The following PYROXD2 variants were observed in gnomAD, a reference collection of about 807,000 sequenced individuals.
PYROXD2 encodes pyridine nucleotide-disulfide oxidoreductase domain-containing protein 2.
In PYROXD2, 69 loss-of-function variants were observed where a neutral mutation model predicts 71.1. The ratio of observed to expected loss-of-function variants is 0.97; its 90% CI spans 0.80 to 1.19. The LOEUF (loss-of-function observed/expected upper bound fraction) is 1.19, where lower values mean the gene tolerates loss of function less well. Among genes scored for constraint, PYROXD2 ranks in the 50% most tolerant of loss-of-function variants. PYROXD2 has a pLI of 0.00. For missense variants in PYROXD2, 745 were observed against 748.9 expected, an observed-to-expected ratio of 0.99 and a Z score of 0.06; for synonymous variants, 287 against 302.7, an observed-to-expected ratio of 0.95 and a Z score of 0.54.
chr10:98,388,654 T>G (rs913382776), intron 12 of PYROXD2, 146 bp from the exon 13 acceptor site: 18 of 964,292 alleles, frequency 1.9e-5, no homozygotes, highest in Non-Finnish European at 2.4e-5. Context: ...GTTGTCCACC[T>G]GCACGGGCTT....
chr10:98,383,932 C>A, intron 15 of PYROXD2, 64 bp from the exon 16 acceptor site: 1 of 1,415,164 alleles, frequency 7.1e-7, no homozygotes, highest in Non-Finnish European at 1.0e-6. Flanking sequence ...GGGGTGGGGA[C>A]AGGGCTTACA....
At position 98,392,878 on chromosome 10, in the gene PYROXD2, C is replaced by G. The variant is rs150546939; in HGVS notation, c.927+64G>C. On this transcript the variant is annotated intron_variant, in intron 9 of 15. Transcript: ENST00000370575. The stretch of plus-strand genomic sequence containing the variant: ...TGGTAAAACAAGGGACCTTCCAAAT[C>G]TGAGACTTTGTTCTGTCCTGGGATC... 7.7e-4 allele frequency: 1,193 copies of G among 1,555,546 alleles called. 9 individuals are homozygous for G. The African/African-American group carries it at 0.015, about 19-fold the overall frequency.
chr10:98,393,495 G>T (rs1843025204), intron 8 of PYROXD2, among the ~76,000 whole-genome samples: 1 of 152,122 alleles, frequency 6.6e-6, no homozygotes, highest in Non-Finnish European at 1.5e-5. Context: ...TTCAACAGGA[G>T]GTTCTGTTTC....
At chr10:98,390,190 C>T (rs575914057) in intron 12 of PYROXD2, among the ~76,000 whole-genome samples, 1 of 152,128 alleles carries the variant, frequency 6.6e-6, no homozygotes, top group South Asian at 2.1e-4. Flanking sequence ...GTGGGAAATG[C>T]TTTTAGAAGT....
intron 4 of PYROXD2, among the ~76,000 whole-genome samples, chr10:98,405,530 G>A (rs1407515998): frequency 6.6e-6 from 1 of 152,224 alleles, no homozygotes. Context: ...GCACTGTGCT[G>A]ATGTGGCCTT....
At chr10:98,388,196 C>T in intron 13 of PYROXD2, 158 bp downstream of exon 13, 1 of 688,364 alleles carries the variant, frequency 1.5e-6, no homozygotes, top group Non-Finnish European at 2.5e-6. Context: ...CTGACCCCTG[C>T]AGTCAACTAT....
At chr10:98,393,585 C>T (rs1019008090) in intron 8 of PYROXD2, among the ~76,000 whole-genome samples, 8 of 152,288 alleles carry the variant, frequency 5.3e-5, no homozygotes, top group Admixed American at 4.6e-4. Flanking sequence ...ACTCAGCCTC[C>T]AAAGGGCTTT....
chr10:98,391,873 C>T (rs576433858), intron 10 of PYROXD2, among the ~76,000 whole-genome samples: 2 of 152,306 alleles, frequency 1.3e-5, no homozygotes, highest in African/African-American at 2.4e-5. Flanking sequence ...CCAGCCACCA[C>T]CAGCCAGCTC....
At chr10:98,407,498 C>T (rs1843637716) in intron 4 of PYROXD2, 84 bp downstream of exon 4, 9 of 1,551,792 alleles carry the variant, frequency 5.8e-6, no homozygotes, top group Non-Finnish European at 7.0e-6. Context: ...TCACCTCGGG[C>T]ACAGAACAGG....
chr10:98,411,050 C>A, intron 1 of PYROXD2, 92 bp from the exon 2 acceptor site: 2 of 1,531,660 alleles, frequency 1.3e-6, no homozygotes, highest in Non-Finnish European at 1.8e-6. Flanking sequence ...CGCTGCCCGT[C>A]CCCATGCCAT....
At chr10:98,409,956 C>A (rs1399783134) in intron 2 of PYROXD2, among the ~76,000 whole-genome samples, 1 of 152,020 alleles carries the variant, frequency 6.6e-6, no homozygotes, top group Non-Finnish European at 1.5e-5. Flanking sequence ...CGGCTGCCTG[C>A]AATCCCAGCT....
At chr10:98,408,778 A>G (rs74575203) in intron 2 of PYROXD2, among the ~76,000 whole-genome samples, 2,808 of 152,372 alleles carry the variant, frequency 0.018, 88 homozygotes, top group African/African-American at 0.062. Context: ...GAATGGTGCC[A>G]TGCAAAAGTC....
chr10:98,405,269 G>A (rs887019387), intron 4 of PYROXD2, among the ~76,000 whole-genome samples: 1 of 152,220 alleles, frequency 6.6e-6, no homozygotes, highest in Non-Finnish European at 1.5e-5. Flanking sequence ...CCAGGAAGGG[G>A]AGGCAGGCCC....
intron 1 of PYROXD2, among the ~76,000 whole-genome samples, chr10:98,412,659 CT>C (rs1843827265): frequency 6.6e-6 from 1 of 152,168 alleles, no homozygotes; most frequent in Non-Finnish European, 1.5e-5. Flanking sequence ...AGAGGTAACC[CT>C]TGTCTCAGAA....
At chr10:98,397,866 T>C (rs1843245404) in intron 5 of PYROXD2, among the ~76,000 whole-genome samples, 1 of 148,894 alleles carries the variant, frequency 6.7e-6, no homozygotes, top group South Asian at 2.1e-4. Flanking sequence ...TTCTTCCTTC[T>C]GTCCTTTCTT....
At chr10:98,384,570 T>A (rs1314311957) in intron 15 of PYROXD2, among the ~76,000 whole-genome samples, 1 of 152,156 alleles carries the variant, frequency 6.6e-6, no homozygotes, top group African/African-American at 2.4e-5. Flanking sequence ...TGAGCTGTGA[T>A]CATACCACTG....
intron 2 of PYROXD2, among the ~76,000 whole-genome samples, chr10:98,409,459 G>A (rs1843715797): frequency 6.6e-6 from 1 of 152,150 alleles, no homozygotes; most frequent in Non-Finnish European, 1.5e-5. Flanking sequence ...TTCCTACTGA[G>A]GCAACCCGAG....
At chr10:98,390,799 C>G in intron 11 of PYROXD2, 45 bp from the exon 12 acceptor site, 1 of 1,538,070 alleles carries the variant, frequency 6.5e-7, no homozygotes, top group Non-Finnish European at 8.8e-7. Context: ...CCACAAGGTC[C>G]TCCCTCTACA....
rs527448774 is a variant in PYROXD2 at position 98,401,688 on chromosome 10, T to C, written c.316-1431A>G. ...TATTTTTATTTTTTACTTTATAACC[T>C]TTTTTCGCTAAAAAGTAAAATGCAA... On this transcript the variant is annotated intron_variant, in intron 4 of 15. Coordinates refer to ENST00000370575, the MANE Select transcript of PYROXD2 (RefSeq NM_032709.3). 3.3e-4 allele frequency among the ~76,000 whole-genome samples: 51 copies of C among 152,284 alleles called. 1 individual carries two copies. Among genetic ancestry groups the C allele is most frequent in the Middle Eastern group, 6.8e-3 (2 of 294 alleles).
Sources: allele counts gnomAD v4.1 joint callset (sites outside exome capture counted in the v4.1 genomes callset), GRCh38; gene constraint gnomAD v4.1.1; transcripts MANE v1.5; gene names NCBI Gene and HGNC (gene_info 2026-07-23, HGNC 2026-07-21).